RASGRF1: variants seen among roughly 807,000 people sequenced by gnomAD.
The protein encoded by RASGRF1 is ras-specific guanine nucleotide-releasing factor 1.
Under a neutral mutation model 138.7 loss-of-function variants are expected in RASGRF1, and 40 were observed. The observed-to-expected ratio is 0.29, with a 90% CI of 0.22 to 0.38. RASGRF1 has a LOEUF of 0.38. RASGRF1 is among the 10% of genes least tolerant of loss of function. RASGRF1 has a pLI of 1.00. For missense variants in RASGRF1, 1,108 were observed against 1,650.4 expected (o/e 0.67, Z 5.69); for synonymous variants, 614 against 663.2 (o/e 0.93, Z 1.14).
intron 21 of RASGRF1, 68 bp from the exon 22 acceptor site, chr15:78,990,341 G>A (rs1392636591): frequency 1.8e-6 from 2 of 1,090,910 alleles, no homozygotes; most frequent in Non-Finnish European, 2.8e-6. Context: ...ATTGCTCCAT[G>A]CTTTTTATTT....
intron 11 of RASGRF1, 25 bp downstream of exon 11, chr15:79,020,016 G>T (rs774014103): frequency 1.2e-6 from 2 of 1,613,066 alleles, no homozygotes; most frequent in Admixed American, 3.3e-5. Context: ...GCACACACAT[G>T]CGCACATGCA....
At position 78,960,976 on chromosome 15, in the gene RASGRF1, A is replaced by G. The variant is rs550993194; in HGVS notation, c.*1168T>C. The stretch of plus-strand genomic sequence containing the variant: ...AACATATATTTTTACAAAAATGGAA[A>G]TTTTTTTCCAAACAAGCTGTAAGTT... On this transcript the variant is annotated 3_prime_UTR_variant, in exon 27 of 27. Transcript: ENST00000558480. 1 of 152,208 alleles carries G rather than the reference A, an allele frequency of 6.6e-6. No homozygotes were observed. The highest frequency in any genetic ancestry group is 1.5e-5 in the Non-Finnish European group (1 of 68,040). 9.4% of individuals were successfully genotyped at this position (152,208 alleles called of 1,614,324 possible). A position where few individuals can be genotyped will look rare whatever the true frequency, so the allele number is the denominator to read the frequency against.
chr15:78,973,427 A>G lies in RASGRF1; in HGVS notation c.3495-7T>C. The G allele has an allele frequency of 6.4e-7, 1 of 1,574,110 alleles. No individual in the cohort carries two copies. The highest frequency in any genetic ancestry group is 8.7e-7 in the Non-Finnish European group (1 of 1,148,040). ...GACACAGGGTGGGTCACAACTTGGA[A>G]GCAAACGGCATTAACACAAGTTTTT... is the stretch of plus-strand genomic sequence containing the variant. On this transcript the variant is annotated splice_polypyrimidine_tract_variant and splice_region_variant and intron_variant, in intron 24 of 26. Coordinates refer to ENST00000558480, the MANE Select transcript of RASGRF1 (RefSeq NM_001145648.3). The surrounding 1 kb of genome is among the most constrained non-coding windows in gnomAD (Gnocchi z 4.9).
chr15:79,030,453 C>T (rs1199841484), intron 8 of RASGRF1, among the ~76,000 whole-genome samples: 1 of 152,174 alleles, frequency 6.6e-6, no homozygotes, highest in African/African-American at 2.4e-5. Flanking sequence ...CCAGTGCTGT[C>T]GCTTTAAACA....
intron 3 of RASGRF1, among the ~76,000 whole-genome samples, chr15:79,049,983 G>A (rs1402516337): frequency 2.0e-5 from 3 of 151,988 alleles, no homozygotes; most frequent in Non-Finnish European, 4.4e-5. Context: ...AATTTTTGCT[G>A]TGATAAAACA....
chr15:78,995,204 C>T lies in RASGRF1; in HGVS notation c.3027+536G>A, dbSNP rs374777680. ...TCAGCCTCCCAAAGTGCTAGGATTACAGGTGTGAGCCACCACGCCTGGCCT... is the reference window on the plus strand; with the variant it reads ...TCAGCCTCCCAAAGTGCTAGGATTATAGGTGTGAGCCACCACGCCTGGCCT... On this transcript the variant is annotated intron_variant, in intron 20 of 26. Transcript: ENST00000558480. Among the ~76,000 whole-genome samples the T allele has an allele frequency of 1.6e-3, 248 of 152,180 alleles. 3 individuals are homozygous for T. The highest frequency in any genetic ancestry group is 5.6e-3 in the African/African-American group (232 of 41,536).
At chr15:78,982,015 G>A (rs79788761) in intron 23 of RASGRF1, among the ~76,000 whole-genome samples, 2,631 of 152,300 alleles carry the variant, frequency 0.017, 85 homozygotes, top group African/African-American at 0.059. Context: ...TGAGGTCAGA[G>A]GCGGGGGCTG....
rs1233670007 is a variant in RASGRF1 at position 78,959,940 on chromosome 15, A to C, written c.*2204T>G. On this transcript the variant is annotated 3_prime_UTR_variant, in exon 27 of 27. Transcript: ENST00000558480. ...TACCATTAACTGTTTAATAGTACTT[A>C]ATACCATTAATTATAATAATTCATT... 1.3e-5 allele frequency: 2 copies of C among 151,320 alleles called. No individual in the cohort carries two copies. Among genetic ancestry groups the C allele is most frequent in the East Asian group, 3.8e-4 (2 of 5,200 alleles). 9.4% of individuals were successfully genotyped at this position (151,320 alleles called of 1,614,324 possible). A position where few individuals can be genotyped will look rare whatever the true frequency, so the allele number is the denominator to read the frequency against.
At chr15:79,067,850 G>C in intron 1 of RASGRF1, among the ~76,000 whole-genome samples, 1 of 152,134 alleles carries the variant, frequency 6.6e-6, no homozygotes, top group East Asian at 1.9e-4. Context: ...GAGACACAGA[G>C]ACAGAGTATA....
intron 5 of RASGRF1, among the ~76,000 whole-genome samples, chr15:79,039,886 T>G (rs1021592230): frequency 1.1e-4 from 16 of 152,010 alleles, no homozygotes; most frequent in African/African-American, 3.9e-4. Context: ...CTTCCCACCT[T>G]AGCCTCCTGA....
chr15:78,968,600 T>TA (rs58458961), intron 26 of RASGRF1, among the ~76,000 whole-genome samples: 20 of 152,044 alleles, frequency 1.3e-4, no homozygotes, highest in African/African-American at 3.1e-4. Context: ...TATATATATA[T>TA]TTTTAATTGA....
At chr15:79,001,116 C>T (rs911955515) in intron 16 of RASGRF1, among the ~76,000 whole-genome samples, 5 of 152,146 alleles carry the variant, frequency 3.3e-5, no homozygotes, top group African/African-American at 9.7e-5. Flanking sequence ...TCTGGGACTG[C>T]GGGTGAGCAA....
chr15:79,090,746 C>A lies in RASGRF1; in HGVS notation c.-248G>T, dbSNP rs926253591. The A allele has an allele frequency of 3.7e-6, 2 of 540,604 alleles. No individual in the cohort carries two copies. The highest frequency in any genetic ancestry group is 6.4e-6 in the Non-Finnish European group (2 of 314,804). The allele number at this position is 540,604 out of a possible 1,614,324, so 33.5% of individuals were successfully genotyped here. ...GCCCCAGTACCCGGAAGATGCCGCC[C>A]GACCCTCCTCCGGTGCCGGGCAAAC... On this transcript the variant is annotated 5_prime_UTR_variant, in exon 1 of 27. Coordinates refer to ENST00000558480, the MANE Select transcript of RASGRF1 (RefSeq NM_001145648.3).
rs2057354938 is a variant in RASGRF1, at chr15:79,046,413, TC to T, written c.878+332del. On this transcript the variant is annotated intron_variant, in intron 5 of 26. Coordinates refer to ENST00000558480, the MANE Select transcript of RASGRF1 (RefSeq NM_001145648.3). The surrounding 1 kb of genome is among the most constrained non-coding windows in gnomAD (Gnocchi z 5.3). ...AGGATATTTAGCAGCACCTCTGGCC[TC>T]TACCCATTAGATGCCAACAGCAACC... is the stretch of plus-strand genomic sequence containing the variant. Among the ~76,000 whole-genome samples the T allele has an allele frequency of 6.6e-6, 1 of 152,234 alleles. No individual in the cohort carries two copies. Among genetic ancestry groups the T allele is most frequent in the African/African-American group, 2.4e-5 (1 of 41,462 alleles).
chr15:79,067,348 G>T (rs766040615), intron 1 of RASGRF1, among the ~76,000 whole-genome samples: 6 of 152,176 alleles, frequency 3.9e-5, no homozygotes, highest in Non-Finnish European at 7.3e-5. Flanking sequence ...CATGGTACTA[G>T]GTTCTTTGCA....
At chr15:78,978,921 CACTT>C in intron 24 of RASGRF1, 1 of 1,270,500 alleles carries the variant, frequency 7.9e-7, no homozygotes, top group Non-Finnish European at 1.0e-6. Flanking sequence ...GTGGGAGAGA[CACTT>C]ACACGGGCCC....
At chr15:78,990,769 C>T (rs1233737962) in intron 21 of RASGRF1, among the ~76,000 whole-genome samples, 2 of 152,186 alleles carry the variant, frequency 1.3e-5, no homozygotes, top group African/African-American at 2.4e-5. Flanking sequence ...GAGGGGACCT[C>T]GGCAGAGTCC....
At chr15:79,081,764 C>T (rs906231058) in intron 1 of RASGRF1, among the ~76,000 whole-genome samples, 1 of 152,166 alleles carries the variant, frequency 6.6e-6, no homozygotes, top group Non-Finnish European at 1.5e-5. Context: ...TTTGTCCCAT[C>T]CTCCCAGTGC....
At position 79,066,849 on chromosome 15, in the gene RASGRF1, C is replaced by T. The variant is rs1298799286; in HGVS notation, c.277-2323G>A. Among the ~76,000 whole-genome samples, 136 of 152,166 alleles carry T rather than the reference C, an allele frequency of 8.9e-4. 1 individual carries two copies. Among genetic ancestry groups the T allele is most frequent in the South Asian group, 4.1e-4 (2 of 4,826 alleles). On this transcript the variant is annotated intron_variant, in intron 1 of 26. Coordinates refer to ENST00000558480, the MANE Select transcript of RASGRF1 (RefSeq NM_001145648.3). Reference sequence around the variant, plus strand: ...AACTCTCCATCCTGCAGACCAGGCACGGGGTTCCTGGAGGCTTCAGGAAGC... The same window carrying T: ...AACTCTCCATCCTGCAGACCAGGCATGGGGTTCCTGGAGGCTTCAGGAAGC...
Sources: allele counts gnomAD v4.1 joint callset (sites outside exome capture counted in the v4.1 genomes callset), GRCh38; gene constraint gnomAD v4.1.1; non-coding constraint Gnocchi (gnomAD v3.1); transcripts MANE v1.5; gene names NCBI Gene and HGNC (gene_info 2026-07-23, HGNC 2026-07-21).